The following ABI2 variants were observed in gnomAD, a reference collection of about 807,000 sequenced individuals.
The protein encoded by ABI2 is abl interactor 2.
In ABI2, 25 loss-of-function variants were observed where a neutral mutation model predicts 59.2. That is an observed-to-expected ratio of 0.42 (90% CI 0.31 to 0.59). ABI2 has a LOEUF of 0.59. Among genes scored for constraint, ABI2 ranks in the 20% least tolerant of loss-of-function variants. The pLI, the probability that ABI2 is intolerant of heterozygous loss-of-function variation, is 0.14. For missense variants in ABI2, 545 were observed against 681.8 expected (o/e 0.80, Z 2.23); for synonymous variants, 213 against 235.5 (o/e 0.90, Z 0.87).
intron 1 of ABI2, 88 bp downstream of exon 1, chr2:203,328,719 G>T: frequency 2.4e-6 from 2 of 829,294 alleles, no homozygotes; most frequent in Non-Finnish European, 3.5e-6. Context: ...CCGCCTCGGG[G>T]ACACGGCCCA....
intron 1 of ABI2, among the ~76,000 whole-genome samples, chr2:203,346,913 C>T (rs1288925442): frequency 1.3e-5 from 2 of 152,098 alleles, no homozygotes; most frequent in Non-Finnish European, 1.5e-5. Context: ...TTGTGCTGCC[C>T]GACTTCATGT....
intron 1 of ABI2, among the ~76,000 whole-genome samples, chr2:203,358,026 C>T (rs2092604874): frequency 6.6e-6 from 1 of 151,074 alleles, no homozygotes; most frequent in South Asian, 2.1e-4. Flanking sequence ...CCTCAGCCTC[C>T]TGAAGTGCTG....
At chr2:203,374,119 A>G (rs752402792) in intron 2 of ABI2, among the ~76,000 whole-genome samples, 4 of 152,176 alleles carry the variant, frequency 2.6e-5, no homozygotes, top group Non-Finnish European at 5.9e-5. Context: ...TGTTCATGCC[A>G]CTGGATTCAA....
Position 203,396,811 on chromosome 2 carries a change from C to G in ABI2, c.877C>G (p.Pro293Ala). Residue 293 changes from proline (P) to alanine (A), a missense_variant, in exon 8 of 12, where the codon CCC becomes GCC. Coordinates refer to ENST00000261018, the MANE Select transcript of ABI2 (RefSeq NM_001375670.1). ...PAPAGSAGTPPLPATSASAPA... is the reference protein window; with the variant it reads ...PAPAGSAGTPALPATSASAPA... Reference sequence around the variant, plus strand: ...CCCTGCTGGCTCTGCTGGCACTCCTCCCCTTCCTGCTACTTCTGCATCTGC... The same window carrying G: ...CCCTGCTGGCTCTGCTGGCACTCCTGCCCTTCCTGCTACTTCTGCATCTGC... 1 of 1,533,556 alleles carries G rather than the reference C, an allele frequency of 6.5e-7. No homozygotes were observed. Among genetic ancestry groups the G allele is most frequent in the Non-Finnish European group, 8.7e-7 (1 of 1,145,904 alleles). The allele number at this position is 1,533,556 out of a possible 1,614,324, so 95.0% of individuals were successfully genotyped here.
rs535536150 is a variant in ABI2, at chr2:203,353,625, A to G, written c.118-13252A>G. Among the ~76,000 whole-genome samples the G allele has an allele frequency of 6.6e-5, 10 of 152,134 alleles. 1 individual carries two copies. Among genetic ancestry groups the G allele is most frequent in the African/African-American group, 1.2e-4 (5 of 41,512 alleles). On this transcript the variant is annotated intron_variant, in intron 1 of 11. Coordinates refer to ENST00000261018, the MANE Select transcript of ABI2 (RefSeq NM_001375670.1). ...CTCCTGAGTAGCTAGGACTACAGGC[A>G]TGTGCCACCACGCCTGGCTGGTGGC...
chr2:203,414,298 C>T (rs1359482281), intron 10 of ABI2, among the ~76,000 whole-genome samples: 3 of 151,986 alleles, frequency 2.0e-5, no homozygotes, highest in Non-Finnish European at 2.9e-5. Flanking sequence ...GACGGGGTTT[C>T]GCCATATTGG....
chr2:203,353,316 A>G (rs1199721698), intron 1 of ABI2, among the ~76,000 whole-genome samples: 4 of 152,178 alleles, frequency 2.6e-5, no homozygotes, highest in Admixed American at 6.5e-5. Flanking sequence ...TCCACTAGCT[A>G]CCATTCAAGC....
At chr2:203,408,775 T>A (rs990715424) in intron 9 of ABI2, among the ~76,000 whole-genome samples, 1 of 151,662 alleles carries the variant, frequency 6.6e-6, no homozygotes, top group African/African-American at 2.4e-5. Flanking sequence ...CTAGTGCCAG[T>A]TGCTGCCTGC....
At chr2:203,343,235 G>C (rs570278859) in intron 1 of ABI2, among the ~76,000 whole-genome samples, 1 of 152,238 alleles carries the variant, frequency 6.6e-6, no homozygotes, top group African/African-American at 2.4e-5. Context: ...GTGGTGGCAC[G>C]CATCTGTAGT....
chr2:203,346,396 G>A (rs1198461000), intron 1 of ABI2, among the ~76,000 whole-genome samples: 2 of 152,166 alleles, frequency 1.3e-5, no homozygotes, highest in African/African-American at 2.4e-5. Flanking sequence ...GGGAATATAT[G>A]GGACTAATAG....
At chr2:203,388,480 C>T (rs945104944) in intron 4 of ABI2, among the ~76,000 whole-genome samples, 2 of 151,898 alleles carry the variant, frequency 1.3e-5, no homozygotes, top group South Asian at 2.1e-4. Flanking sequence ...GTCAGGAGTT[C>T]GAGACTAGCC....
At chr2:203,401,863 CTGTG>C (rs2097235767) in intron 8 of ABI2, among the ~76,000 whole-genome samples, 1 of 151,982 alleles carries the variant, frequency 6.6e-6, no homozygotes, top group Non-Finnish European at 1.5e-5. Flanking sequence ...TGGAATAAGA[CTGTG>C]TGTCAAACAT....
intron 1 of ABI2, among the ~76,000 whole-genome samples, chr2:203,340,762 A>G (rs2079388016): frequency 6.6e-6 from 1 of 152,060 alleles, no homozygotes; most frequent in Non-Finnish European, 1.5e-5. Context: ...TGTGTGTATC[A>G]TGTCATCATG....
intron 2 of ABI2, among the ~76,000 whole-genome samples, chr2:203,378,103 T>TTTTTC (rs1193071748): frequency 1.5e-4 from 23 of 151,768 alleles, no homozygotes; most frequent in Non-Finnish European, 2.9e-4. Flanking sequence ...TTTCTTTTTC[T>TTTTTC]TTTTCTTTTC....
At chr2:203,336,355 T>C (rs2076442933) in intron 1 of ABI2, among the ~76,000 whole-genome samples, 1 of 152,190 alleles carries the variant, frequency 6.6e-6, no homozygotes, top group African/African-American at 2.4e-5. Flanking sequence ...AGTGGATGTA[T>C]CCACATAGGC....
At chr2:203,374,762 A>T in intron 2 of ABI2, 1 of 427,032 alleles carries the variant, frequency 2.3e-6, no homozygotes, top group South Asian at 1.6e-5. Flanking sequence ...AAAAATTGAG[A>T]CATATTTAAA....
chr2:203,427,081 C>CA (rs2098444288), intron 11 of ABI2, 96 bp from the exon 12 acceptor site: 1 of 1,092,224 alleles, frequency 9.2e-7, no homozygotes, highest in African/African-American at 1.6e-5. Flanking sequence ...TTGAGTGCTA[C>CA]AGGATTTGGG....
chr2:203,400,203 G>A (rs560909268), intron 8 of ABI2, among the ~76,000 whole-genome samples: 272 of 146,592 alleles, frequency 1.9e-3, no homozygotes, highest in African/African-American at 6.7e-3. Context: ...TTCTCCTGCC[G>A]TAGCCTCCTG....
At chr2:203,406,534 CA>C (rs1368339129) in intron 9 of ABI2, among the ~76,000 whole-genome samples, 1 of 152,086 alleles carries the variant, frequency 6.6e-6, no homozygotes, top group Non-Finnish European at 1.5e-5. Context: ...GGTGCTGTTC[CA>C]AAATAAAAAG....
Sources: gnomAD v4.1 joint callset for allele counts (sites outside exome capture counted in the v4.1 genomes callset) on GRCh38, gnomAD v4.1.1 for gene constraint, MANE v1.5 for transcripts, NCBI Gene and HGNC (gene_info 2026-07-23, HGNC 2026-07-21) for gene names.